Variants in LRRC2 observed in about 807,000 individuals in gnomAD.
LRRC2 encodes the protein leucine rich repeat containing 2.
Under a neutral mutation model 40.2 loss-of-function variants are expected in LRRC2, and 27 were observed. The ratio of observed to expected loss-of-function variants is 0.67; its 90% CI spans 0.49 to 0.93. The LOEUF is 0.93. Ranked by LOEUF, LRRC2 falls within the 40% of genes least tolerant of loss-of-function variation. The pLI, the probability that LRRC2 is intolerant of heterozygous loss-of-function variation, is 0.00. For synonymous variants in LRRC2, 147 were observed against 158.9 expected (o/e 0.92, Z 0.56); for missense variants, 402 against 439.6 (o/e 0.91, Z 0.76).
intron 7 of LRRC2, among the ~76,000 whole-genome samples, chr3:46,527,093 G>A (rs1704072493): frequency 6.6e-6 from 1 of 152,224 alleles, no homozygotes; most frequent in East Asian, 1.9e-4. Flanking sequence ...GAAGCAACCA[G>A]GGAGGGTCCT....
intron 1 of LRRC2, among the ~76,000 whole-genome samples, chr3:46,562,076 T>G (rs1471040393): frequency 6.6e-6 from 1 of 152,208 alleles, no homozygotes; most frequent in East Asian, 1.9e-4. Flanking sequence ...CCTCCCCCCT[T>G]GAGCATGGGC....
intron 1 of LRRC2, among the ~76,000 whole-genome samples, chr3:46,554,165 A>G (rs185571755): frequency 6.6e-6 from 1 of 152,040 alleles, no homozygotes. Context: ...GACTACAGAC[A>G]TGCGCCACTA....
chr3:46,527,353 C>T, intron 7 of LRRC2, 73 bp downstream of exon 7: 1 of 1,511,522 alleles, frequency 6.6e-7, no homozygotes, highest in Non-Finnish European at 9.1e-7. Flanking sequence ...CTTGAGACAG[C>T]TGCCCAGGCT....
At chr3:46,551,040 A>G (rs6774189) in intron 2 of LRRC2, 17,470 of 153,964 alleles carry the variant, frequency 0.11, 1,413 homozygotes, top group East Asian at 0.39. Flanking sequence ...CACCAACACA[A>G]TGAATCTTAC....
rs1703914051 is a variant in LRRC2, at chr3:46,518,798, G to A, written c.*216C>T. On this transcript the variant is annotated 3_prime_UTR_variant, in exon 9 of 9. Coordinates refer to ENST00000395905, the MANE Select transcript of LRRC2 (RefSeq NM_024512.5). ...AAAAAAGTATATGCAAATGAACCTGGAAATATCAATATACAAACCAATTTT... is the reference window on the plus strand; with the variant it reads ...AAAAAAGTATATGCAAATGAACCTGAAAATATCAATATACAAACCAATTTT... 4.4e-6 allele frequency: 2 copies of A among 458,012 alleles called. No individual in the cohort carries two copies. The highest frequency in any genetic ancestry group is 5.6e-4 in the Middle Eastern group (1 of 1,796). 28.4% of individuals were successfully genotyped at this position (458,012 alleles called of 1,614,324 possible).
rs544227823 is a variant in LRRC2, at chr3:46,564,585, CTCA to C, written c.-20+1589_-20+1591del. Among the ~76,000 whole-genome samples the C allele has an allele frequency of 2.3e-3, 356 of 152,202 alleles. 1 individual carries two copies. Among genetic ancestry groups the C allele is most frequent in the Non-Finnish European group, 4.3e-3 (293 of 67,984 alleles). On this transcript the variant is annotated intron_variant, in intron 1 of 8. Transcript: ENST00000395905. ...CAACAAAGTCTGGGAGGAGACTCAC[CTCA>C]TCATGCAGGTGCCAAGCCATTCTTG...
intron 4 of LRRC2, among the ~76,000 whole-genome samples, chr3:46,538,269 T>G (rs1704309230): frequency 6.6e-6 from 1 of 152,182 alleles, no homozygotes. Flanking sequence ...GAAGCAATAA[T>G]GATCACTGTC....
chr3:46,553,516 C>A (rs192899632), intron 1 of LRRC2, among the ~76,000 whole-genome samples: 128 of 152,316 alleles, frequency 8.4e-4, no homozygotes, highest in African/African-American at 3.0e-3. Context: ...GATCCAGGTG[C>A]AATCACTGCT....
chr3:46,520,880 A>T (rs1435659934), intron 8 of LRRC2, among the ~76,000 whole-genome samples: 1 of 152,148 alleles, frequency 6.6e-6, no homozygotes. Flanking sequence ...TTTCCTGGGG[A>T]AGCTGTCTTG....
intron 2 of LRRC2, 39 bp from the exon 3 acceptor site, chr3:46,545,292 G>T (rs1253992678): frequency 4.4e-6 from 7 of 1,585,412 alleles, no homozygotes; most frequent in African/African-American, 2.7e-5. Context: ...CTCTCCTGGG[G>T]ACTGGCCATC....
At chr3:46,551,739 G>T in intron 1 of LRRC2, 129 bp from the exon 2 acceptor site, 1 of 362,626 alleles carries the variant, frequency 2.8e-6, no homozygotes, top group South Asian at 7.0e-5. Flanking sequence ...CTACTTCAAG[G>T]ATGACAGTTT....
At chr3:46,551,216 C>T (rs1311266114) in intron 2 of LRRC2, 1 of 291,464 alleles carries the variant, frequency 3.4e-6, no homozygotes. Flanking sequence ...GGGGATTTAT[C>T]GTGTCATCTC....
At chr3:46,552,966 C>T (rs1255296461) in intron 1 of LRRC2, among the ~76,000 whole-genome samples, 1 of 152,164 alleles carries the variant, frequency 6.6e-6, no homozygotes, top group Non-Finnish European at 1.5e-5. Context: ...ACATGAGAGG[C>T]CCACCAAAAC....
chr3:46,543,641 AATAATAATAAATAAT>A (rs1559415668), intron 3 of LRRC2, among the ~76,000 whole-genome samples: 28 of 92,544 alleles, frequency 3.0e-4, no homozygotes, highest in Middle Eastern at 0.013. Flanking sequence ...TAATAATAAT[AATAATAATAAATAAT>A]AAATACCCTT....
At chr3:46,563,234 C>T (rs1199761119) in intron 1 of LRRC2, among the ~76,000 whole-genome samples, 1 of 152,156 alleles carries the variant, frequency 6.6e-6, no homozygotes, top group Non-Finnish European at 1.5e-5. Flanking sequence ...CCTGGCTTCC[C>T]ACTCAACCCC....
intron 2 of LRRC2, among the ~76,000 whole-genome samples, chr3:46,546,782 A>G (rs910123407): frequency 1.4e-5 from 2 of 141,056 alleles, no homozygotes; most frequent in African/African-American, 5.3e-5. Flanking sequence ...GCAATGGCAC[A>G]GTCTCAGCTC....
chr3:46,533,915 A>AT (rs113681139), intron 4 of LRRC2, among the ~76,000 whole-genome samples: 15 of 57,496 alleles, frequency 2.6e-4, no homozygotes, highest in African/African-American at 9.0e-4. Flanking sequence ...TTTTTTTTTA[A>AT]TTTTTTTTGT....
chr3:46,550,582 G>T (rs1044611121), intron 2 of LRRC2, among the ~76,000 whole-genome samples: 42 of 152,008 alleles, frequency 2.8e-4, no homozygotes, highest in African/African-American at 9.9e-4. Context: ...TAGCAGAGAC[G>T]GGGTTTCACC....
chr3:46,533,246 G>A (rs1044995501), intron 4 of LRRC2, among the ~76,000 whole-genome samples: 1 of 152,102 alleles, frequency 6.6e-6, no homozygotes, highest in African/African-American at 2.4e-5. Context: ...TTTTCCAACT[G>A]AAATGAAGCT....
Sources: gnomAD v4.1 joint callset for allele counts (sites outside exome capture counted in the v4.1 genomes callset) on GRCh38, gnomAD v4.1.1 for gene constraint, MANE v1.5 for transcripts, NCBI Gene and HGNC (gene_info 2026-07-23, HGNC 2026-07-21) for gene names.